The following SNX30 variants were observed in gnomAD, a reference collection of about 807,000 sequenced individuals.
SNX30 encodes sorting nexin-30.
SNX30 carries 24 observed loss-of-function variants against 46.4 expected under a neutral mutation model. The observed-to-expected ratio is 0.52, with a 90% CI of 0.37 to 0.73. The LOEUF (loss-of-function observed/expected upper bound fraction) is 0.73. SNX30 is among the 30% of genes least tolerant of loss of function. The probability of loss-of-function intolerance (pLI) is 0.00; values close to 1 mark genes in which losing one functional copy is unlikely to be tolerated. For synonymous variants in SNX30, 189 were observed against 211.5 expected, an observed-to-expected ratio of 0.89 and a Z score of 0.92; for missense variants, 533 against 555.7, an observed-to-expected ratio of 0.96 and a Z score of 0.41.
At chr9:112,805,522 G>A (rs1392140365) in intron 2 of SNX30, among the ~76,000 whole-genome samples, 1 of 152,172 alleles carries the variant, frequency 6.6e-6, no homozygotes, top group Non-Finnish European at 1.5e-5. Flanking sequence ...AGGCTGGAGT[G>A]CAGTGGTGTG....
intron 1 of SNX30, among the ~76,000 whole-genome samples, chr9:112,789,297 G>A (rs1198594832): frequency 3.3e-5 from 5 of 152,026 alleles, no homozygotes; most frequent in Admixed American, 6.6e-5. Context: ...AATGCCTCTC[G>A]CCCTTGATTT....
chr9:112,783,410 A>G (rs1839875344), intron 1 of SNX30, among the ~76,000 whole-genome samples: 1 of 152,222 alleles, frequency 6.6e-6, no homozygotes, highest in African/African-American at 2.4e-5. Context: ...TAATATGTAA[A>G]GTGACTTACA....
At chr9:112,757,111 C>G (rs756956186) in intron 1 of SNX30, among the ~76,000 whole-genome samples, 3 of 152,204 alleles carry the variant, frequency 2.0e-5, no homozygotes, top group Non-Finnish European at 4.4e-5. Context: ...TCCTCCATAT[C>G]TGCTATTTTG....
chr9:112,874,514 C>T lies in SNX30; in HGVS notation c.*5671C>T, dbSNP rs1022136602. On this transcript the variant is annotated 3_prime_UTR_variant, in exon 9 of 9. Coordinates refer to ENST00000374232, the MANE Select transcript of SNX30 (RefSeq NM_001012994.2). ...TCTTATTTTTAAAAGTCATTCTTTA[C>T]GTTTAAAATTTTAAAATAAAAACCT... The T allele has an allele frequency of 2.0e-5, 3 of 152,156 alleles. No homozygotes were observed. Among genetic ancestry groups the T allele is most frequent in the African/African-American group, 4.8e-5 (2 of 41,424 alleles). 9.4% of individuals were successfully genotyped at this position (152,156 alleles called of 1,614,324 possible).
downstream of SNX30, among the ~76,000 whole-genome samples, chr9:112,884,349 C>T (rs1293575508): frequency 6.6e-6 from 1 of 152,228 alleles, no homozygotes; most frequent in East Asian, 1.9e-4. Context: ...GCTTTTCTTC[C>T]TGTGGTTCGA....
At chr9:112,816,491 G>A (rs922947786) in intron 2 of SNX30, among the ~76,000 whole-genome samples, 42 of 152,220 alleles carry the variant, frequency 2.8e-4, no homozygotes, top group Admixed American at 2.7e-3. Context: ...GAGGAAGGTC[G>A]TGTTTCATAG....
intron 1 of SNX30, among the ~76,000 whole-genome samples, chr9:112,797,637 T>C (rs961309721): frequency 2.6e-5 from 4 of 151,904 alleles, no homozygotes; most frequent in African/African-American, 9.7e-5. Flanking sequence ...CTTGTTTTAA[T>C]GGAATTGGTT....
rs1316361572 is a variant in SNX30, at chr9:112,830,787, G to T, written c.522G>T (p.Glu174Asp). The change falls in exon 4 of 9, where the codon GAG becomes GAT. Residue 174 changes from glutamate (E) to aspartate (D), a missense_variant. Glu to Asp is a conservative substitution (Grantham distance 45, BLOSUM62 2). This residue lies in a region of SNX30 where 81 missense variants were observed against 124.4 expected (regional missense o/e 0.65). Transcript: ENST00000374232. ...ATCGTTTTTCAGAAGAGTTTGTGGA[G>T]ACCAGAAGAAAAGCTTTGGATAAAT... The part of the protein sequence containing the change: ...VVDRFSEEFV[E>D]TRRKALDKFL... 6.2e-7 allele frequency: 1 copy of T among 1,614,052 alleles called. No homozygotes were observed. The highest frequency in any genetic ancestry group is 8.5e-7 in the Non-Finnish European group (1 of 1,179,998).
chr9:112,763,051 C>G (rs1199722683), intron 1 of SNX30, among the ~76,000 whole-genome samples: 1 of 152,128 alleles, frequency 6.6e-6, no homozygotes, highest in Non-Finnish European at 1.5e-5. Context: ...GGGAAGCGGT[C>G]AGGCCAAGAC....
intron 3 of SNX30, among the ~76,000 whole-genome samples, chr9:112,826,979 C>A (rs969291092): frequency 6.6e-6 from 1 of 152,318 alleles, no homozygotes; most frequent in East Asian, 1.9e-4. Flanking sequence ...CACACGTGGA[C>A]ATGTTATCCT....
At chr9:112,851,474 C>T (rs939392123) in intron 7 of SNX30, among the ~76,000 whole-genome samples, 5 of 152,132 alleles carry the variant, frequency 3.3e-5, no homozygotes, top group Non-Finnish European at 5.9e-5. Context: ...ACAGCTTGGT[C>T]GAATTGGGGG....
At chr9:112,814,657 A>C (rs987068623) in intron 2 of SNX30, among the ~76,000 whole-genome samples, 2 of 152,234 alleles carry the variant, frequency 1.3e-5, no homozygotes, top group Non-Finnish European at 2.9e-5. Context: ...AACAACTGTA[A>C]ACAAAGATGA....
At chr9:112,752,523 T>G (rs762732189) in intron 1 of SNX30, among the ~76,000 whole-genome samples, 10 of 152,122 alleles carry the variant, frequency 6.6e-5, no homozygotes, top group Non-Finnish European at 1.3e-4. Context: ...GAGGATTGCT[T>G]GAGCCTGGGA....
At chr9:112,777,543 C>CA (rs1839766376) in intron 1 of SNX30, among the ~76,000 whole-genome samples, 1 of 151,502 alleles carries the variant, frequency 6.6e-6, no homozygotes, top group African/African-American at 2.4e-5. Flanking sequence ...CATCCCACCT[C>CA]AGTTTCCAGA....
At chr9:112,825,329 C>T (rs1840564977) in intron 3 of SNX30, among the ~76,000 whole-genome samples, 1 of 152,196 alleles carries the variant, frequency 6.6e-6, no homozygotes, top group African/African-American at 2.4e-5. Context: ...GGATCTCACT[C>T]TGTCACCCAG....
intron 1 of SNX30, among the ~76,000 whole-genome samples, chr9:112,760,809 G>A (rs1839422269): frequency 6.6e-6 from 1 of 152,180 alleles, no homozygotes; most frequent in Non-Finnish European, 1.5e-5. Flanking sequence ...TAGGGAGAAT[G>A]GGGTGTTTAT....
chr9:112,827,729 T>C (rs1052062011), intron 3 of SNX30, among the ~76,000 whole-genome samples: 3 of 152,204 alleles, frequency 2.0e-5, no homozygotes, highest in Non-Finnish European at 2.9e-5. Flanking sequence ...TTTATTGCCA[T>C]ATTATGGGGG....
intron 2 of SNX30, among the ~76,000 whole-genome samples, chr9:112,807,037 T>C (rs541525436): frequency 6.8e-6 from 1 of 147,176 alleles, no homozygotes; most frequent in South Asian, 2.1e-4. Context: ...TACTACTCTG[T>C]CTTTTCTTTT....
chr9:112,784,927 T>A (rs1377576840), intron 1 of SNX30, among the ~76,000 whole-genome samples: 1 of 152,192 alleles, frequency 6.6e-6, no homozygotes, highest in African/African-American at 2.4e-5. Flanking sequence ...ACATCTAGAA[T>A]AGCACCTAGC....
Sources: allele counts gnomAD v4.1 joint callset (sites outside exome capture counted in the v4.1 genomes callset), GRCh38; gene constraint gnomAD v4.1.1; regional missense constraint gnomAD v4.1.1; transcripts MANE v1.5; gene names NCBI Gene and HGNC (gene_info 2026-07-23, HGNC 2026-07-21).